RNF182: variants seen among roughly 807,000 people sequenced by gnomAD.
The protein encoded by RNF182 is E3 ubiquitin-protein ligase RNF182.
Under a neutral mutation model 14.4 loss-of-function variants are expected in RNF182, and 15 were observed. The observed-to-expected ratio is 1.04, with a 90% CI of 0.70 to 1.60. The LOEUF is 1.60. RNF182 is among the 40% of genes most tolerant of loss of function. RNF182 has a pLI of 0.00. For synonymous variants in RNF182, 128 were observed against 122.9 expected (o/e 1.04, Z -0.27); for missense variants, 268 against 294.8 (o/e 0.91, Z 0.67).
chr6:13,977,590 T>C lies in RNF182; in HGVS notation c.471T>C (p.Ser157=), dbSNP rs1760369839. 3 of 1,614,112 alleles carry C rather than the reference T, an allele frequency of 1.9e-6. No homozygotes were observed. The East Asian group carries it at 6.7e-5, about 36-fold the overall frequency. ...TGGTAGAATTTTATAGGCCTGCGAG[T>C]TTCGACTCTGTCACCACTGTGTCAC... is the stretch of plus-strand genomic sequence containing the variant. ...TPVVEFYRPA[S]FDSVTTVSHN... is the part of the protein sequence containing the mutation. The change falls in exon 3 of 3, where the codon AGT becomes AGC. Residue 157 remains serine, a synonymous_variant. Transcript: ENST00000488300.
intron 1 of RNF182, among the ~76,000 whole-genome samples, chr6:13,960,540 A>G (rs1331343843): frequency 1.3e-5 from 2 of 152,216 alleles, no homozygotes; most frequent in African/African-American, 2.4e-5. Context: ...AGTGAATTCT[A>G]TAGCAGTTGA....
chr6:13,966,982 G>C (rs952310036), intron 1 of RNF182, among the ~76,000 whole-genome samples: 1 of 151,850 alleles, frequency 6.6e-6, no homozygotes, highest in Non-Finnish European at 1.5e-5. Flanking sequence ...GACCACAGGC[G>C]TGCACCACCA....
At chr6:13,926,788 TGTG>T (rs1283242920) in intron 1 of RNF182, among the ~76,000 whole-genome samples, 1 of 137,592 alleles carries the variant, frequency 7.3e-6, no homozygotes, top group Non-Finnish European at 1.5e-5. Flanking sequence ...TGTGTGTGTG[TGTG>T]TTTTTTTTTT....
At chr6:13,964,314 A>G (rs1025862255) in intron 1 of RNF182, among the ~76,000 whole-genome samples, 1 of 152,232 alleles carries the variant, frequency 6.6e-6, no homozygotes, top group Non-Finnish European at 1.5e-5. Context: ...TGAATTTCAG[A>G]AACAGTTAAC....
chr6:13,962,792 G>T (rs147402322), intron 1 of RNF182, among the ~76,000 whole-genome samples: 2 of 152,124 alleles, frequency 1.3e-5, no homozygotes, highest in African/African-American at 2.4e-5. Flanking sequence ...TGTTGATGCC[G>T]CATTAAAATG....
At chr6:13,949,754 G>T (rs1298402182) in intron 1 of RNF182, 2 of 186,582 alleles carry the variant, frequency 1.1e-5, no homozygotes, top group Non-Finnish European at 2.3e-5. Flanking sequence ...AAAACTTGAT[G>T]TAAATTGTAC....
At chr6:13,938,378 G>A (rs188027864) in intron 1 of RNF182, among the ~76,000 whole-genome samples, 245 of 151,958 alleles carry the variant, frequency 1.6e-3, no homozygotes, top group African/African-American at 5.6e-3. Flanking sequence ...TTTGTGCAAT[G>A]TATGTGTTAC....
intron 1 of RNF182, among the ~76,000 whole-genome samples, chr6:13,955,654 G>A (rs1382433966): frequency 6.6e-6 from 1 of 152,168 alleles, no homozygotes; most frequent in Non-Finnish European, 1.5e-5. Flanking sequence ...TGCATTATGT[G>A]CTCCATGGCA....
At chr6:13,965,970 C>T (rs1040470198) in intron 1 of RNF182, among the ~76,000 whole-genome samples, 5 of 152,200 alleles carry the variant, frequency 3.3e-5, no homozygotes, top group Non-Finnish European at 7.3e-5. Context: ...TGGTGAGTTT[C>T]AGTTCTTTGA....
At chr6:13,965,955 T>C (rs887007101) in intron 1 of RNF182, among the ~76,000 whole-genome samples, 3 of 152,222 alleles carry the variant, frequency 2.0e-5, no homozygotes, top group Non-Finnish European at 2.9e-5. Flanking sequence ...TCTGGTGTGG[T>C]GATCTGGTGA....
At chr6:13,939,476 A>T (rs1459614932) in intron 1 of RNF182, among the ~76,000 whole-genome samples, 1 of 150,942 alleles carries the variant, frequency 6.6e-6, no homozygotes, top group Non-Finnish European at 1.5e-5. Context: ...TCACCTTGTA[A>T]TTTTTTGTTT....
intron 1 of RNF182, among the ~76,000 whole-genome samples, chr6:13,961,310 G>A (rs747718365): frequency 3.9e-5 from 6 of 152,132 alleles, no homozygotes; most frequent in Non-Finnish European, 7.3e-5. Flanking sequence ...ATTTCTAGTC[G>A]CATCCATATA....
At chr6:13,951,466 C>T (rs1354675249) in intron 1 of RNF182, among the ~76,000 whole-genome samples, 1 of 152,192 alleles carries the variant, frequency 6.6e-6, no homozygotes, top group Non-Finnish European at 1.5e-5. Flanking sequence ...TCCAGGTGGT[C>T]AAGAACATGC....
intron 1 of RNF182, among the ~76,000 whole-genome samples, chr6:13,966,148 A>C (rs554479190): frequency 5.3e-5 from 8 of 152,230 alleles, no homozygotes; most frequent in Admixed American, 2.0e-4. Context: ...GCAGCCAGAA[A>C]ATCCCATACA....
rs1760381653 is a variant in RNF182, at chr6:13,977,887, G to A, written c.*24G>A. ...AACTGATATGCAAAATAAGAAATTG[G>A]ACACACATTGCCCTGTTTGAGTGTG... On this transcript the variant is annotated 3_prime_UTR_variant, in exon 3 of 3. Transcript: ENST00000488300. 6.3e-7 allele frequency: 1 copy of A among 1,589,140 alleles called. No individual in the cohort carries two copies. Among genetic ancestry groups the A allele is most frequent in the Non-Finnish European group, 8.6e-7 (1 of 1,166,794 alleles).
intron 1 of RNF182, among the ~76,000 whole-genome samples, chr6:13,938,804 T>G (rs1759208857): frequency 6.6e-6 from 1 of 152,174 alleles, no homozygotes; most frequent in South Asian, 2.1e-4. Flanking sequence ...TATGATGTAT[T>G]TGTCTAATAA....
At chr6:13,942,613 A>G (rs1354664147) in intron 1 of RNF182, among the ~76,000 whole-genome samples, 1 of 152,150 alleles carries the variant, frequency 6.6e-6, no homozygotes, top group East Asian at 1.9e-4. Context: ...GAGTGCTGGG[A>G]TTACAGGTGT....
At chr6:13,939,806 G>A (rs1010987398) in intron 1 of RNF182, among the ~76,000 whole-genome samples, 1 of 152,208 alleles carries the variant, frequency 6.6e-6, no homozygotes, top group African/African-American at 2.4e-5. Flanking sequence ...GCCTTCCAAA[G>A]TGCTGGGATT....
At chr6:13,958,485 A>G (rs899592041) in intron 1 of RNF182, among the ~76,000 whole-genome samples, 18 of 152,326 alleles carry the variant, frequency 1.2e-4, no homozygotes, top group Middle Eastern at 3.4e-3. Flanking sequence ...TGACTTCACC[A>G]CACTCAGAAG....
Sources: gnomAD v4.1 joint callset for allele counts (sites outside exome capture counted in the v4.1 genomes callset) on GRCh38, gnomAD v4.1.1 for gene constraint, MANE v1.5 for transcripts, NCBI Gene and HGNC (gene_info 2026-07-23, HGNC 2026-07-21) for gene names.